The following DOCK8 variants were observed in gnomAD, a reference collection of about 807,000 sequenced individuals.
The protein encoded by DOCK8 is dedicator of cytokinesis 8, also known as dedicator of cytokinesis protein 8.
DOCK8 carries 141 observed loss-of-function variants against 245.6 expected under a neutral mutation model. That is an observed-to-expected ratio of 0.57 (90% CI 0.50 to 0.66). The LOEUF (loss-of-function observed/expected upper bound fraction) is 0.66. DOCK8 is among the 30% of genes least tolerant of loss of function. DOCK8 has a pLI of 0.00. For synonymous variants in DOCK8, 1,168 were observed against 970.2 expected (o/e 1.20, Z -3.79); for missense variants, 2,965 against 2,603.4 (o/e 1.14, Z -3.02).
intron 5 of DOCK8, among the ~76,000 whole-genome samples, chr9:304,975 G>A (rs1006735958): frequency 3.3e-5 from 5 of 152,058 alleles, no homozygotes; most frequent in Non-Finnish European, 7.3e-5. Context: ...CCATCCCTAC[G>A]ACAGTTCCTG....
rs766584230 is a variant in DOCK8 at position 304,536 on chromosome 9, C to T, written c.405-45C>T. 9 of 1,612,748 alleles carry T rather than the reference C, an allele frequency of 5.6e-6. No individual in the cohort carries two copies. In the South Asian group the frequency reaches 9.9e-5, roughly 18 times the overall value. On this transcript the variant is annotated intron_variant, in intron 4 of 47. Coordinates refer to ENST00000432829, the MANE Select transcript of DOCK8 (RefSeq NM_203447.4). ...ATTTTTAATCTAATGGTTTGCCGCT[C>T]TCTCTCCCTCTTTCTCTCTCCAAAT...
rs1372949110 is a variant in DOCK8 at position 433,887 on chromosome 9, C to T, written c.4798C>T (p.Leu1600Phe). The T allele has an allele frequency of 6.2e-7, 1 of 1,613,990 alleles. No homozygotes were observed. The highest frequency in any genetic ancestry group is 1.7e-5 in the Admixed American group (1 of 60,022). ...TPFPTQVEELLCNLNSILYDT... is the reference protein window; with the variant it reads ...TPFPTQVEELFCNLNSILYDT... ...ACACTTTTTGCAGGTGGAGGAACTTCTCTGTAATCTGAATAGCATCTTATA... is the reference window on the plus strand; with the variant it reads ...ACACTTTTTGCAGGTGGAGGAACTTTTCTGTAATCTGAATAGCATCTTATA... Residue 1600 changes from leucine to phenylalanine, a missense_variant, in exon 38 of 48, where the codon CTC (leucine) becomes TTC (phenylalanine). Physicochemically the swap from Leu to Phe is conservative, Grantham distance 22 (BLOSUM62 0). Coordinates refer to ENST00000432829, the MANE Select transcript of DOCK8 (RefSeq NM_203447.4).
At chr9:372,367 A>T in intron 18 of DOCK8, 81 bp downstream of exon 18, 1 of 1,097,660 alleles carries the variant, frequency 9.1e-7, no homozygotes. Context: ...TTCCATTCCC[A>T]TGTGGCCATG....
intron 8 of DOCK8, among the ~76,000 whole-genome samples, chr9:327,603 C>G (rs10813641): frequency 0.77 from 116,576 of 151,952 alleles, 45,038 homozygotes; most frequent in Non-Finnish European, 0.81. Context: ...CACCATGTTG[C>G]CCAGGCTGGT....
chr9:355,264 C>T (rs921388743), intron 14 of DOCK8, among the ~76,000 whole-genome samples: 4 of 142,448 alleles, frequency 2.8e-5, no homozygotes, highest in Admixed American at 7.4e-5. Context: ...AGTGCAGTGG[C>T]ACAATCTCAG....
chr9:218,125 C>T (rs963642272), intron 1 of DOCK8, among the ~76,000 whole-genome samples: 2 of 150,210 alleles, frequency 1.3e-5, no homozygotes, highest in Non-Finnish European at 2.9e-5. Context: ...TACGTGCCTA[C>T]CTATTATTTT....
rs761826801 is a variant in DOCK8 at position 420,985 on chromosome 9, C to T, written c.4060C>T (p.Leu1354=). Residue 1354 remains leucine, a synonymous_variant, in exon 32 of 48, where the codon CTG becomes TTG. Coordinates refer to ENST00000432829, the MANE Select transcript of DOCK8 (RefSeq NM_203447.4). ...QSSDKVSTQV[L]QKSRDVKARL... The stretch of plus-strand genomic sequence containing the variant: ...TTCTGACAAAGTCAGTACCCAAGTC[C>T]TGCAGAAGTCAAGGGATGTCAAGGC... 1.2e-6 allele frequency: 2 copies of T among 1,614,218 alleles called. No individual in the cohort carries two copies. The highest frequency in any genetic ancestry group is 1.7e-6 in the Non-Finnish European group (2 of 1,180,044).
intron 6 of DOCK8, chr9:312,678 C>T (rs1198128213): frequency 2.9e-6 from 1 of 341,616 alleles, no homozygotes; most frequent in South Asian, 2.3e-5. Flanking sequence ...ACTTTGGGAT[C>T]TTGATTGTTT....
chr9:385,249 T>A (rs2053902817), intron 22 of DOCK8, among the ~76,000 whole-genome samples: 1 of 152,218 alleles, frequency 6.6e-6, no homozygotes, highest in Non-Finnish European at 1.5e-5. Flanking sequence ...AGGACATGAG[T>A]GCAAAAACTG....
At chr9:341,940 C>T (rs1016668425) in intron 14 of DOCK8, among the ~76,000 whole-genome samples, 1 of 152,176 alleles carries the variant, frequency 6.6e-6, no homozygotes, top group African/African-American at 2.4e-5. Context: ...GTTGTGCGCT[C>T]CTTATGAGAA....
chr9:313,349 CT>C (rs1246332541), intron 6 of DOCK8, among the ~76,000 whole-genome samples: 1 of 152,248 alleles, frequency 6.6e-6, no homozygotes, highest in African/African-American at 2.4e-5. Flanking sequence ...GAGCAAACTT[CT>C]GTCCACCTTC....
chr9:302,633 G>A (rs2049606627), intron 4 of DOCK8, among the ~76,000 whole-genome samples: 1 of 152,052 alleles, frequency 6.6e-6, no homozygotes. Context: ...GAATCTATAA[G>A]GAACTTAGAT....
chr9:292,387 C>CAA (rs5895837), intron 4 of DOCK8, among the ~76,000 whole-genome samples: 3,531 of 63,068 alleles, frequency 0.056, 1,155 homozygotes, highest in African/African-American at 0.15. Flanking sequence ...AACTCCGTCT[C>CAA]AAAAAAAAAA....
intron 2 of DOCK8, among the ~76,000 whole-genome samples, chr9:285,866 C>T (rs1317396123): frequency 1.3e-5 from 2 of 152,162 alleles, no homozygotes; most frequent in Non-Finnish European, 2.9e-5. Context: ...TTCTTCCAGA[C>T]CAGCACCAGT....
intron 10 of DOCK8, among the ~76,000 whole-genome samples, chr9:333,328 G>T (rs747534647): frequency 6.6e-6 from 1 of 152,310 alleles, no homozygotes; most frequent in East Asian, 1.9e-4. Context: ...TTGGCCGGGC[G>T]TGGTGGCTCA....
At chr9:295,572 A>AG (rs1000412166) in intron 4 of DOCK8, among the ~76,000 whole-genome samples, 1 of 152,184 alleles carries the variant, frequency 6.6e-6, no homozygotes, top group Admixed American at 6.5e-5. Context: ...CGCACCATGG[A>AG]GGGGGGACCT....
chr9:376,168 G>C (rs756740511), intron 18 of DOCK8, 42 bp from the exon 19 acceptor site: 2 of 1,394,406 alleles, frequency 1.4e-6, no homozygotes, highest in Non-Finnish European at 2.0e-6. Context: ...AATCAGAAAA[G>C]GGAATTGGAT....
At chr9:239,811 C>G (rs1462645944) in intron 1 of DOCK8, among the ~76,000 whole-genome samples, 1 of 152,058 alleles carries the variant, frequency 6.6e-6, no homozygotes, top group Non-Finnish European at 1.5e-5. Context: ...TGTATCATAA[C>G]CTGCTTTTTT....
At chr9:246,892 A>C (rs2131440901) in intron 1 of DOCK8, among the ~76,000 whole-genome samples, 1 of 152,272 alleles carries the variant, frequency 6.6e-6, no homozygotes, top group African/African-American at 2.4e-5. Context: ...CTGGGACTAT[A>C]GGCACACACC....
Sources: gnomAD v4.1 joint callset for allele counts (sites outside exome capture counted in the v4.1 genomes callset) on GRCh38, gnomAD v4.1.1 for gene constraint, MANE v1.5 for transcripts, NCBI Gene and HGNC (gene_info 2026-07-23, HGNC 2026-07-21) for gene names.